The following EDA variants were observed in gnomAD, a reference collection of about 807,000 sequenced individuals.
The protein encoded by EDA is ectodysplasin A, also known as ectodysplasin-A.
Under a neutral mutation model 23.6 loss-of-function variants are expected in EDA, and 2 were observed. The ratio of observed to expected loss-of-function variants is 0.08; its 90% confidence interval spans 0.03 to 0.27. The LOEUF is 0.27. Among genes scored for constraint, EDA ranks in the 10% least tolerant of loss-of-function variants. The pLI is 1.00. For missense variants in EDA, 229 were observed against 324.2 expected (o/e 0.71, Z 2.26); for synonymous variants, 131 against 132.0 (o/e 0.99, Z 0.05).
chrX:69,828,307 C>T (rs1044802562), intron 1 of EDA, among the ~76,000 whole-genome samples: 4 of 112,113 alleles, frequency 3.6e-5, no homozygotes, highest in Admixed American at 9.4e-5. Context: ...GCCTCGCTGC[C>T]GCCTTGCAGT....
At chrX:69,952,736 TC>T (rs1375479281) in intron 1 of EDA, among the ~76,000 whole-genome samples, 1 of 112,047 alleles carries the variant, frequency 8.9e-6, no homozygotes, top group Non-Finnish European at 1.9e-5. Context: ...AGTTTGTTTC[TC>T]CCTCAACTCT....
chrX:69,828,016 G>A (rs1383653006), intron 1 of EDA, among the ~76,000 whole-genome samples: 1 of 110,872 alleles, frequency 9.0e-6, no homozygotes, highest in African/African-American at 3.3e-5. Flanking sequence ...CTGCTCAGGG[G>A]TCAGGGGTCA....
chrX:69,695,598 C>T (rs910690212), intron 1 of EDA, among the ~76,000 whole-genome samples: 1 of 105,284 alleles, frequency 9.5e-6, no homozygotes, highest in African/African-American at 3.5e-5. Flanking sequence ...CAACCTCCAC[C>T]TCCCAGGTTC....
chrX:69,664,062 G>A (rs1348575502), intron 1 of EDA, among the ~76,000 whole-genome samples: 1 of 112,077 alleles, frequency 8.9e-6, no homozygotes, highest in Admixed American at 9.5e-5. Context: ...TGTGTCAAAT[G>A]AGACTTTGAT....
intron 1 of EDA, among the ~76,000 whole-genome samples, chrX:69,879,347 T>G (rs1602504656): frequency 8.9e-6 from 1 of 112,125 alleles, no homozygotes; most frequent in Non-Finnish European, 1.9e-5. Context: ...TTTTGGTTCT[T>G]CAGCCATAGT....
intron 1 of EDA, among the ~76,000 whole-genome samples, chrX:69,793,467 A>G (rs1307911246): frequency 9.2e-6 from 1 of 108,228 alleles, no homozygotes; most frequent in African/African-American, 3.4e-5. Context: ...TCAAGGACCC[A>G]GGTACTTTCC....
intron 1 of EDA, among the ~76,000 whole-genome samples, chrX:69,663,734 A>G (rs1933590609): frequency 8.9e-6 from 1 of 111,983 alleles, no homozygotes; most frequent in Admixed American, 9.4e-5. Context: ...ACTCAACGCC[A>G]CCCTGTTAAA....
chrX:69,993,974 G>T (rs2019623893), intron 2 of EDA, among the ~76,000 whole-genome samples: 2 of 111,988 alleles, frequency 1.8e-5, no homozygotes, highest in South Asian at 7.5e-4. Context: ...TTTTGGATTG[G>T]ATTTCATATA....
intron 4 of EDA, among the ~76,000 whole-genome samples, chrX:70,028,800 T>A (rs1252810513): frequency 8.9e-6 from 1 of 112,970 alleles, no homozygotes; most frequent in Non-Finnish European, 1.9e-5. Flanking sequence ...CCTGGGCTAA[T>A]GTCAGTTGTT....
intron 1 of EDA, among the ~76,000 whole-genome samples, chrX:69,765,847 A>G (rs146894355): frequency 0.015 from 1,715 of 111,386 alleles, 31 homozygotes; most frequent in African/African-American, 0.054. Flanking sequence ...CTTTCTTGCT[A>G]TCTACCCCTT....
intron 1 of EDA, among the ~76,000 whole-genome samples, chrX:69,735,227 A>G (rs1315486585): frequency 9.3e-6 from 1 of 107,805 alleles, no homozygotes; most frequent in Non-Finnish European, 1.9e-5. Flanking sequence ...ATACACATAC[A>G]ACAGAATATT....
At chrX:69,729,529 C>A (rs2012940975) in intron 1 of EDA, among the ~76,000 whole-genome samples, 1 of 111,768 alleles carries the variant, frequency 8.9e-6, no homozygotes, top group South Asian at 3.7e-4. Flanking sequence ...TCAATAGCTT[C>A]CTAACTTATC....
In EDA at chrX:70,035,528, G is replaced by A; in HGVS notation, c.1095G>A (p.Val365=). Reference sequence around the variant, plus strand: ...GGCAGAAGATCGCCGTCAAGATGGTGCACGCTGACATCTCCATCAACATGA... The same window carrying A: ...GGCAGAAGATCGCCGTCAAGATGGTACACGCTGACATCTCCATCAACATGA... ...KARQKIAVKM[V]HADISINMSK... is the part of the protein sequence containing the mutation. The change falls in exon 8 of 8, where the codon GTG becomes GTA. Residue 365 remains valine (V), a synonymous_variant. Coordinates refer to ENST00000374552, the MANE Select transcript of EDA (RefSeq NM_001399.5). 1.7e-6 allele frequency: 2 copies of A among 1,209,219 alleles called. No homozygotes were observed. The highest frequency in any genetic ancestry group is 2.2e-6 in the Non-Finnish European group (2 of 894,873).
chrX:69,887,902 G>T (rs2017853269), intron 1 of EDA, among the ~76,000 whole-genome samples: 1 of 111,736 alleles, frequency 8.9e-6, no homozygotes, highest in Non-Finnish European at 1.9e-5. Flanking sequence ...CACTGGGCCT[G>T]TCTTACAAGA....
At chrX:69,956,263 A>G (rs1170643771) in intron 1 of EDA, among the ~76,000 whole-genome samples, 1 of 80,392 alleles carries the variant, frequency 1.2e-5, no homozygotes, top group Non-Finnish European at 2.7e-5. Context: ...GGAGCAGCAA[A>G]TTCAAGGTTT....
chrX:69,881,119 A>G (rs1028124715), intron 1 of EDA, among the ~76,000 whole-genome samples: 9 of 111,723 alleles, frequency 8.1e-5, no homozygotes, highest in African/African-American at 2.9e-4. Flanking sequence ...CCTCCACAAG[A>G]AAAAGCAAAG....
chrX:69,872,355 T>C (rs2017578834), intron 1 of EDA, among the ~76,000 whole-genome samples: 1 of 111,885 alleles, frequency 8.9e-6, no homozygotes, highest in South Asian at 3.7e-4. Context: ...AAACAAAGTA[T>C]TCAAGCAACA....
chrX:70,029,977 G>A (rs761028485), intron 5 of EDA, among the ~76,000 whole-genome samples: 5 of 112,411 alleles, frequency 4.4e-5, no homozygotes, highest in East Asian at 5.6e-4. Context: ...TAGCCTGGGC[G>A]TCTGCCTTAA....
At chrX:69,800,906 G>A (rs1276754929) in intron 1 of EDA, among the ~76,000 whole-genome samples, 3 of 111,409 alleles carry the variant, frequency 2.7e-5, no homozygotes, top group South Asian at 7.6e-4. Flanking sequence ...CAAGAACCAT[G>A]TTGTACCTGA....
Sources: gnomAD v4.1 joint callset for allele counts (sites outside exome capture counted in the v4.1 genomes callset) on GRCh38, gnomAD v4.1.1 for gene constraint, MANE v1.5 for transcripts, NCBI Gene and HGNC (gene_info 2026-07-23, HGNC 2026-07-21) for gene names.